The following TUB variants were observed in gnomAD, a reference collection of about 807,000 sequenced individuals.
TUB encodes the protein TUB bipartite transcription factor.
A neutral mutation model predicts 59.7 loss-of-function variants in TUB; 33 were observed. The ratio of observed to expected loss-of-function variants is 0.55; its 90% CI spans 0.42 to 0.74. The LOEUF (loss-of-function observed/expected upper bound fraction) is 0.74. Among genes scored for constraint, TUB ranks in the 30% least tolerant of loss-of-function variants. The pLI is 0.00. For synonymous variants in TUB, 293 were observed against 256.4 expected (o/e 1.14, Z -1.36); for missense variants, 659 against 672.0 (o/e 0.98, Z 0.21).
At chr11:8,091,970 G>A (rs538015331) in intron 3 of TUB, among the ~76,000 whole-genome samples, 2 of 152,372 alleles carry the variant, frequency 1.3e-5, no homozygotes, top group East Asian at 1.9e-4. Context: ...TACAGAATAG[G>A]GGCCTGCACC....
chr11:8,094,954 G>GT (rs2133859110), intron 4 of TUB, among the ~76,000 whole-genome samples: 1 of 152,364 alleles, frequency 6.6e-6, no homozygotes, highest in Admixed American at 6.5e-5. Flanking sequence ...AAGCTCTGTG[G>GT]TAACGGGCAG....
At chr11:8,087,659 G>C (rs970177079) in intron 1 of TUB, among the ~76,000 whole-genome samples, 1 of 152,240 alleles carries the variant, frequency 6.6e-6, no homozygotes, top group Non-Finnish European at 1.5e-5. Context: ...TGCACTGTGC[G>C]TGTGGCTGAC....
Position 8,103,211 on chromosome 11 carries a change from A to C in TUB, c.*1592A>C, listed in dbSNP as rs994348537. 6.6e-6 allele frequency: 1 copy of C among 151,908 alleles called. No individual in the cohort carries two copies. Among genetic ancestry groups the C allele is most frequent in the African/African-American group, 2.4e-5 (1 of 41,344 alleles). 9.4% of individuals were successfully genotyped at this position (151,908 alleles called of 1,614,324 possible). On this transcript the variant is annotated 3_prime_UTR_variant, in exon 12 of 12. Transcript: ENST00000299506. ...GAGCCTAACTCCCTCCACTACCGCTATTTCTCCTTGGATGGCACCATCCAC... is the reference window on the plus strand; with the variant it reads ...GAGCCTAACTCCCTCCACTACCGCTCTTTCTCCTTGGATGGCACCATCCAC...
upstream of TUB, chr11:8,076,436 T>C (rs1015387213): frequency 6.6e-6 from 1 of 152,200 alleles, no homozygotes; most frequent in African/African-American, 2.4e-5. Flanking sequence ...ACAACCTTTT[T>C]TCAACCTCTC....
intron 2 of TUB, among the ~76,000 whole-genome samples, chr11:8,048,091 A>G (rs1000656411): frequency 6.6e-6 from 1 of 152,218 alleles, no homozygotes. Flanking sequence ...TAATTTTCAA[A>G]TGAATAATAA....
intron 1 of TUB, among the ~76,000 whole-genome samples, chr11:8,082,720 G>A (rs144396783): frequency 1.4e-4 from 22 of 152,332 alleles, no homozygotes; most frequent in African/African-American, 4.8e-4. Flanking sequence ...TCCAGACAGC[G>A]TCCCAAATGG....
rs1327189594 is a variant in TUB at position 8,081,322 on chromosome 11, C to T, written c.-189C>T. On this transcript the variant is annotated 5_prime_UTR_variant, in exon 1 of 12. Coordinates refer to ENST00000299506, the MANE Select transcript of TUB (RefSeq NM_177972.3). The stretch of plus-strand genomic sequence containing the variant: ...GCTTCGCCCATCTCGCCTCGCCGCG[C>T]CGCGCAGGCAGCCGCTCGCAGAGCC... 6.2e-6 allele frequency: 6 copies of T among 970,210 alleles called. No homozygotes were observed. The highest frequency in any genetic ancestry group is 6.2e-5 in the Admixed American group (1 of 16,178). The allele number at this position is 970,210 out of a possible 1,614,324, so 60.1% of individuals were successfully genotyped here. A position where few individuals can be genotyped will look rare whatever the true frequency, so the allele number is the denominator to read the frequency against.
intron 2 of TUB, among the ~76,000 whole-genome samples, chr11:8,066,192 G>A (rs1943239445): frequency 6.6e-6 from 1 of 152,104 alleles, no homozygotes; most frequent in South Asian, 2.1e-4. Context: ...TCTAGCCCAG[G>A]GTGTTCTGAG....
rs1944358163 is a variant in TUB at position 8,102,721 on chromosome 11, A to G, written c.*1102A>G. ...GGGTGAATAAAGCAGGGAATATTTT[A>G]GAACCACAAGAGATCAGCAGTGGCA... On this transcript the variant is annotated 3_prime_UTR_variant, in exon 12 of 12. Transcript: ENST00000299506. 6.6e-6 allele frequency: 1 copy of G among 152,246 alleles called. No individual in the cohort carries two copies. Among genetic ancestry groups the G allele is most frequent in the African/African-American group, 2.4e-5 (1 of 41,456 alleles). The allele number at this position is 152,246 out of a possible 1,614,324, so 9.4% of individuals were successfully genotyped here.
chr11:8,042,565 A>G (rs1942770094), intron 2 of TUB, among the ~76,000 whole-genome samples: 2 of 152,180 alleles, frequency 1.3e-5, no homozygotes, highest in South Asian at 4.1e-4. Flanking sequence ...CATCCCCACC[A>G]GTAGTATATG....
intron 2 of TUB, among the ~76,000 whole-genome samples, chr11:8,046,140 C>T (rs976997395): frequency 6.6e-6 from 1 of 152,174 alleles, no homozygotes; most frequent in Non-Finnish European, 1.5e-5. Context: ...CTCTCTAGCT[C>T]TTCCTTCTGG....
In TUB at chr11:8,100,981, C is replaced by A. The variant is rs1944269480; in HGVS notation, c.1371C>A (p.Ile457=). ...VTQASVKNFQ[I]IHGNDPDYIV... is the part of the protein sequence containing the mutation. ...AGGCCTCCGTGAAGAACTTCCAGAT[C>A]ATCCATGGCAATGACCGTGAGTGTT... The change falls in exon 11 of 12, where the codon ATC becomes ATA. Residue 457 remains isoleucine (I), a synonymous_variant. Coordinates refer to ENST00000299506, the MANE Select transcript of TUB (RefSeq NM_177972.3). The A allele has an allele frequency of 6.2e-7, 1 of 1,614,068 alleles. No individual in the cohort carries two copies. Among genetic ancestry groups the A allele is most frequent in the African/African-American group, 1.3e-5 (1 of 74,930 alleles).
chr11:8,070,238 G>T (rs1477988983), intron 2 of TUB, among the ~76,000 whole-genome samples: 1 of 152,124 alleles, frequency 6.6e-6, no homozygotes, highest in Admixed American at 6.5e-5. Flanking sequence ...CTTTAAAACA[G>T]TCTTCCTATC....
intron 1 of TUB, among the ~76,000 whole-genome samples, chr11:8,024,082 C>T (rs1165184045): frequency 6.6e-6 from 1 of 152,216 alleles, no homozygotes; most frequent in Non-Finnish European, 1.5e-5. Flanking sequence ...TTATACATTA[C>T]TCCTGCCATA....
chr11:8,096,558 AGT>A lies in TUB; in HGVS notation c.566-121_566-120del, dbSNP rs539903976. The A allele has an allele frequency of 2.3e-3, 1,670 of 715,652 alleles. 14 individuals carry two copies. Among genetic ancestry groups the A allele is most frequent in the Non-Finnish European group, 2.8e-3 (1,079 of 389,950 alleles). 44.3% of individuals were successfully genotyped at this position (715,652 alleles called of 1,614,324 possible). On this transcript the variant is annotated intron_variant, in intron 5 of 11. Transcript: ENST00000299506. Reference sequence around the variant, plus strand: ...GTCTATATGTGTAGATATGGCTAAGAGTGTGTGCATAAGTTTGTGGGGGTACA... The same window carrying A: ...GTCTATATGTGTAGATATGGCTAAGAGTGTGCATAAGTTTGTGGGGGTACA...
At position 8,097,848 on chromosome 11, in the gene TUB, G is replaced by A. The variant is rs371861472; in HGVS notation, c.998+22G>A. ...TGCGGTACTAGCATTCCCCCAGGAA[G>A]CAGGCGGGAGTGGGAGGGAGGGGCA... is the stretch of plus-strand genomic sequence containing the variant. On this transcript the variant is annotated intron_variant, in intron 8 of 11. Coordinates refer to ENST00000299506, the MANE Select transcript of TUB (RefSeq NM_177972.3). 8 of 1,600,736 alleles carry A rather than the reference G, an allele frequency of 5.0e-6. No individual in the cohort carries two copies. In the African/African-American group the frequency reaches 9.4e-5, roughly 19 times the overall value.
intron 2 of TUB, among the ~76,000 whole-genome samples, chr11:8,049,134 C>G (rs1239154506): frequency 6.6e-6 from 1 of 152,192 alleles, no homozygotes; most frequent in East Asian, 1.9e-4. Flanking sequence ...AAAGCATGGG[C>G]TACCTTGTGC....
In TUB at chr11:8,091,477, A is replaced by G. The variant is rs575385658; in HGVS notation, c.253+1246A>G. On this transcript the variant is annotated intron_variant, in intron 3 of 11. Coordinates refer to ENST00000299506, the MANE Select transcript of TUB (RefSeq NM_177972.3). ...AGGAACTCATTATCCTCACATCATCAGTAAGGATGTGGGCTCTGAGGGGCT... is the reference window on the plus strand; with the variant it reads ...AGGAACTCATTATCCTCACATCATCGGTAAGGATGTGGGCTCTGAGGGGCT... 2.0e-5 allele frequency among the ~76,000 whole-genome samples: 3 copies of G among 152,300 alleles called. No homozygotes were observed. In the South Asian group the frequency reaches 6.2e-4, roughly 32 times the overall value.
At chr11:8,085,168 C>G (rs1943641517) in intron 1 of TUB, among the ~76,000 whole-genome samples, 1 of 152,208 alleles carries the variant, frequency 6.6e-6, no homozygotes, top group Admixed American at 6.5e-5. Context: ...TAACGACTCC[C>G]TGATTTTCTT....
Sources: gnomAD v4.1 joint callset for allele counts (sites outside exome capture counted in the v4.1 genomes callset) on GRCh38, gnomAD v4.1.1 for gene constraint, MANE v1.5 for transcripts, NCBI Gene and HGNC (gene_info 2026-07-23, HGNC 2026-07-21) for gene names.